Variants in INTS9 observed in about 807,000 individuals in gnomAD.
The protein encoded by INTS9 is integrator complex subunit 9.
INTS9 carries 55 observed loss-of-function variants against 79.7 expected under a neutral mutation model. The observed-to-expected ratio is 0.69, with a 90% CI of 0.56 to 0.86. The LOEUF (loss-of-function observed/expected upper bound fraction) is 0.86, where lower values mean the gene tolerates loss of function less well. Among genes scored for constraint, INTS9 ranks in the 40% least tolerant of loss-of-function variants. The pLI is 0.00. For missense variants in INTS9, 721 were observed against 831.5 expected, an observed-to-expected ratio of 0.87 and a Z score of 1.64; for synonymous variants, 319 against 325.2, an observed-to-expected ratio of 0.98 and a Z score of 0.20.
Position 28,845,923 on chromosome 8 carries a change from C to T in INTS9, c.261+824G>A, listed in dbSNP as rs141835973. 2.6e-4 allele frequency among the ~76,000 whole-genome samples: 40 copies of T among 152,192 alleles called. No homozygotes were observed. The East Asian group carries it at 5.0e-3, about 19-fold the overall frequency. ...AAATGTTGATCTACAGGATATTAAA[C>T]AAAGTGTAGAAATGGAAAGAGAAGG... is the stretch of plus-strand genomic sequence containing the variant. On this transcript the variant is annotated intron_variant, in intron 4 of 16. Transcript: ENST00000521022.
At chr8:28,792,554 A>G (rs1803974528) in intron 10 of INTS9, among the ~76,000 whole-genome samples, 1 of 151,268 alleles carries the variant, frequency 6.6e-6, no homozygotes. Context: ...AACAAAAACA[A>G]AAAAAAAAAT....
intron 3 of INTS9, among the ~76,000 whole-genome samples, chr8:28,849,014 C>G (rs1807682629): frequency 6.6e-6 from 1 of 152,158 alleles, no homozygotes. Flanking sequence ...AATCTGGTGT[C>G]AAATTATGCA....
chr8:28,831,781 C>G (rs1170796292), intron 6 of INTS9, among the ~76,000 whole-genome samples: 1 of 152,164 alleles, frequency 6.6e-6, no homozygotes, highest in African/African-American at 2.4e-5. Flanking sequence ...TCACTGCAAC[C>G]TCTGCCTCCC....
chr8:28,858,295 G>A (rs1373155504), intron 2 of INTS9, among the ~76,000 whole-genome samples: 1 of 152,166 alleles, frequency 6.6e-6, no homozygotes, highest in African/African-American at 2.4e-5. Flanking sequence ...GATAGACTAA[G>A]TTCCATGAGG....
At chr8:28,791,909 G>C (rs1002260948) in intron 10 of INTS9, among the ~76,000 whole-genome samples, 1 of 152,146 alleles carries the variant, frequency 6.6e-6, no homozygotes, top group Non-Finnish European at 1.5e-5. Context: ...ACTGCAAACT[G>C]TAATTTATAG....
chr8:28,862,315 G>C, intron 1 of INTS9: 7 of 820,886 alleles, frequency 8.5e-6, no homozygotes, highest in Non-Finnish European at 1.0e-5. Context: ...ATTTGTAAAA[G>C]CTGTAATTTT....
At chr8:28,835,473 C>T (rs1307812387) in intron 5 of INTS9, 95 bp from the exon 6 acceptor site, 18 of 739,736 alleles carry the variant, frequency 2.4e-5, no homozygotes, top group South Asian at 1.6e-5. Flanking sequence ...ACTTGCCCAC[C>T]TCCCCCTACA....
At position 28,810,866 on chromosome 8, in the gene INTS9, C is replaced by T. The variant is rs528906570; in HGVS notation, c.744+1461G>A. Among the ~76,000 whole-genome samples, 260 of 152,194 alleles carry T rather than the reference C, an allele frequency of 1.7e-3. 3 individuals carry two copies. The highest frequency in any genetic ancestry group is 5.4e-3 in the African/African-American group (226 of 41,532). The stretch of plus-strand genomic sequence containing the variant: ...TATGACTGGAATGAATAACTTAAAA[C>T]GTTCCAATAGTTTCCCTCTCCATAT... On this transcript the variant is annotated intron_variant, in intron 8 of 16. Transcript: ENST00000521022.
At chr8:28,812,865 T>C (rs947254822) in intron 7 of INTS9, among the ~76,000 whole-genome samples, 1 of 152,092 alleles carries the variant, frequency 6.6e-6, no homozygotes, top group African/African-American at 2.4e-5. Context: ...AATCAATCAA[T>C]AAAGTAAACT....
At chr8:28,877,726 G>C (rs1809473308) in intron 1 of INTS9, among the ~76,000 whole-genome samples, 1 of 152,156 alleles carries the variant, frequency 6.6e-6, no homozygotes, top group South Asian at 2.1e-4. Context: ...TTTAGCAACA[G>C]TATGAATGTA....
chr8:28,864,967 C>A (rs1359373682), intron 1 of INTS9, among the ~76,000 whole-genome samples: 2 of 141,214 alleles, frequency 1.4e-5, no homozygotes, highest in Non-Finnish European at 3.0e-5. Flanking sequence ...TCCTCAGAGA[C>A]ACAGTGAGAC....
At chr8:28,782,514 A>G (rs1234843754) in intron 11 of INTS9, among the ~76,000 whole-genome samples, 1 of 152,226 alleles carries the variant, frequency 6.6e-6, no homozygotes, top group Non-Finnish European at 1.5e-5. Flanking sequence ...GAATGTGTAC[A>G]GCATGTGGAC....
chr8:28,833,319 G>A (rs976247809), intron 6 of INTS9, among the ~76,000 whole-genome samples: 3 of 152,010 alleles, frequency 2.0e-5, no homozygotes, highest in African/African-American at 7.2e-5. Context: ...AACGTAAACT[G>A]CCTAAGAAAT....
At chr8:28,874,473 T>G (rs1809267688) in intron 1 of INTS9, among the ~76,000 whole-genome samples, 1 of 151,886 alleles carries the variant, frequency 6.6e-6, no homozygotes, top group Non-Finnish European at 1.5e-5. Flanking sequence ...GTATTTTTTT[T>G]TAGTAGAGAT....
chr8:28,881,268 C>T (rs1336070177), intron 1 of INTS9, among the ~76,000 whole-genome samples: 6 of 148,696 alleles, frequency 4.0e-5, no homozygotes, highest in East Asian at 2.0e-4. Flanking sequence ...GTCAGCCCCC[C>T]GCCCGGCCAG....
chr8:28,779,501 C>T (rs1342721906), intron 12 of INTS9, among the ~76,000 whole-genome samples: 3 of 152,180 alleles, frequency 2.0e-5, no homozygotes, highest in African/African-American at 7.2e-5. Flanking sequence ...GAACACGGAA[C>T]ACAGAACTTT....
At chr8:28,774,052 G>A (rs929507452) in intron 14 of INTS9, among the ~76,000 whole-genome samples, 1 of 152,010 alleles carries the variant, frequency 6.6e-6, no homozygotes, top group African/African-American at 2.4e-5. Flanking sequence ...TGACCTCATT[G>A]TCCACCCGCC....
At chr8:28,813,712 T>C in intron 6 of INTS9, 100 bp from the exon 7 acceptor site, 1 of 1,285,338 alleles carries the variant, frequency 7.8e-7, no homozygotes, top group Non-Finnish European at 1.1e-6. Context: ...ATGGTTTAAT[T>C]TACTGGCATA....
chr8:28,799,830 G>A (rs1563259399), intron 8 of INTS9, among the ~76,000 whole-genome samples: 1 of 152,166 alleles, frequency 6.6e-6, no homozygotes, highest in African/African-American at 2.4e-5. Flanking sequence ...CACCCAACTC[G>A]GGCCTCACTC....
Sources: allele counts gnomAD v4.1 joint callset (sites outside exome capture counted in the v4.1 genomes callset), GRCh38; gene constraint gnomAD v4.1.1; transcripts MANE v1.5; gene names NCBI Gene and HGNC (gene_info 2026-07-23, HGNC 2026-07-21).